LRRFIP1: variants seen among roughly 807,000 people sequenced by gnomAD.
LRRFIP1 encodes LRR binding FLII interacting protein 1.
Under a neutral mutation model 104.4 loss-of-function variants are expected in LRRFIP1, and 62 were observed. That is an observed-to-expected ratio of 0.59 (90% CI 0.48 to 0.73). LRRFIP1 has a LOEUF of 0.73. Ranked by LOEUF, LRRFIP1 falls within the 30% of genes least tolerant of loss-of-function variation. The probability of loss-of-function intolerance (pLI) is 0.00; values close to 1 mark genes in which losing one functional copy is unlikely to be tolerated. For missense variants in LRRFIP1, 796 were observed against 824.5 expected (o/e 0.97, Z 0.42); for synonymous variants, 300 against 299.0 (o/e 1.00, Z -0.03).
intron 1 of LRRFIP1, among the ~76,000 whole-genome samples, chr2:237,658,856 G>C (rs888020885): frequency 6.6e-6 from 1 of 152,202 alleles, no homozygotes; most frequent in Admixed American, 6.5e-5. Flanking sequence ...TACAATCCAA[G>C]ATGAGATTTG....
chr2:237,745,724 G>A (rs540470752), intron 11 of LRRFIP1, among the ~76,000 whole-genome samples: 2 of 152,240 alleles, frequency 1.3e-5, no homozygotes, highest in South Asian at 2.1e-4. Flanking sequence ...GTAGGTAAAC[G>A]AATGCATTCC....
rs140126630 is a variant in LRRFIP1, at chr2:237,729,653, G to A, written c.444+1718G>A. On this transcript the variant is annotated intron_variant, in intron 8 of 23. Coordinates refer to ENST00000308482, the MANE Select transcript of LRRFIP1 (RefSeq NM_001137550.2). ...GCCTCGCGTCTTTAGATAAACTAGC[G>A]TTCCTGGGCTCCTAGTGTTGGCTCG... 141 of 188,456 alleles carry A rather than the reference G, an allele frequency of 7.5e-4. 5 individuals carry two copies. The East Asian group carries it at 0.018, about 25-fold the overall frequency. 11.7% of individuals were successfully genotyped at this position (188,456 alleles called of 1,614,324 possible).
At chr2:237,629,376 C>T (rs1260265931) in intron 1 of LRRFIP1, among the ~76,000 whole-genome samples, 1 of 152,002 alleles carries the variant, frequency 6.6e-6, no homozygotes, top group Non-Finnish European at 1.5e-5. Context: ...GAATCGCAAG[C>T]CTTGTCTTGA....
Position 237,774,010 on chromosome 2 carries a change from C to G in LRRFIP1, c.1708-348C>G, listed in dbSNP as rs45562446. ...GGAGAGATTAGACTGGAGCTGAGGT[C>G]GTGGCGGAACACGTCCCTTACCAGC... On this transcript the variant is annotated intron_variant, in intron 22 of 23. Coordinates refer to ENST00000308482, the MANE Select transcript of LRRFIP1 (RefSeq NM_001137550.2). The G allele has an allele frequency of 2.7e-3, 556 of 208,418 alleles. 2 individuals carry two copies. The highest frequency in any genetic ancestry group is 3.1e-3 in the Non-Finnish European group (319 of 102,374). 12.9% of individuals were successfully genotyped at this position (208,418 alleles called of 1,614,324 possible).
chr2:237,753,842 A>G (rs1238620864), intron 15 of LRRFIP1, among the ~76,000 whole-genome samples: 18 of 80,064 alleles, frequency 2.2e-4, no homozygotes, highest in South Asian at 1.1e-3. Flanking sequence ...GTGTGTGTGT[A>G]TGTATGTATG....
In LRRFIP1 at chr2:237,638,658, G is replaced by A. The variant is rs117586589; in HGVS notation, c.96+10918G>A. ...TGTAATTACTGAGCACTTGAAATGC[G>A]GTTAGTACAGTTGAGGATCTGCATG... is the stretch of plus-strand genomic sequence containing the variant. On this transcript the variant is annotated intron_variant, in intron 1 of 23. Coordinates refer to ENST00000308482, the MANE Select transcript of LRRFIP1 (RefSeq NM_001137550.2). Among the ~76,000 whole-genome samples the A allele has an allele frequency of 3.3e-4, 50 of 152,342 alleles. 1 individual carries two copies. The East Asian group carries it at 8.7e-3, about 26-fold the overall frequency.
At chr2:237,648,786 C>A (rs949941979) in intron 1 of LRRFIP1, among the ~76,000 whole-genome samples, 3 of 151,490 alleles carry the variant, frequency 2.0e-5, no homozygotes, top group Admixed American at 6.6e-5. Flanking sequence ...AAGGATCCCC[C>A]TCAAAGCAGG....
intron 11 of LRRFIP1, among the ~76,000 whole-genome samples, chr2:237,747,771 C>A (rs1379148319): frequency 3.3e-5 from 5 of 151,954 alleles, no homozygotes; most frequent in Admixed American, 2.6e-4. Flanking sequence ...CAGCTTTTCC[C>A]AGAGAGTTTT....
intron 1 of LRRFIP1, among the ~76,000 whole-genome samples, chr2:237,685,685 C>T (rs1286852257): frequency 6.6e-6 from 1 of 152,224 alleles, no homozygotes; most frequent in African/African-American, 2.4e-5. Flanking sequence ...TCCCCACACC[C>T]AGCCTTTGGT....
intron 1 of LRRFIP1, among the ~76,000 whole-genome samples, chr2:237,704,154 T>G (rs1035232318): frequency 6.8e-6 from 1 of 147,548 alleles, no homozygotes; most frequent in Non-Finnish European, 1.5e-5. Context: ...AGATGTTCTT[T>G]TTTTTTTTTT....
chr2:237,650,976 G>C (rs946573358), intron 1 of LRRFIP1, among the ~76,000 whole-genome samples: 2 of 152,164 alleles, frequency 1.3e-5, no homozygotes, highest in African/African-American at 4.8e-5. Flanking sequence ...ATGCGTATCG[G>C]GTCACTCTGG....
In LRRFIP1 at chr2:237,751,250, G is replaced by A. The variant is rs2058591738; in HGVS notation, c.846G>A (p.Met282Ile). 1.2e-6 allele frequency: 2 copies of A among 1,610,172 alleles called. No individual in the cohort carries two copies. Among genetic ancestry groups the A allele is most frequent in the South Asian group, 2.2e-5 (2 of 89,846 alleles). The change falls in exon 14 of 24, where the codon ATG becomes ATA. Residue 282 changes from methionine (M) to isoleucine (I), a missense_variant. By Grantham distance (10) the Met-to-Ile change is conservative. Coordinates refer to ENST00000308482, the MANE Select transcript of LRRFIP1 (RefSeq NM_001137550.2). ...TTCAGGATGTAGAAGGCAAATACAT[G>A]CAGGGATTGAAAGAGATGAAGGTAC... Reference protein sequence around the residue: ...DQIQDVEGKYMQGLKEMKDSL... With the variant: ...DQIQDVEGKYIQGLKEMKDSL...
At chr2:237,777,836 C>T (rs2061220327) in intron 23 of LRRFIP1, among the ~76,000 whole-genome samples, 1 of 152,200 alleles carries the variant, frequency 6.6e-6, no homozygotes, top group Admixed American at 6.5e-5. Context: ...TAGAGATTCT[C>T]ATTGTCTCCA....
At position 237,691,558 on chromosome 2, in the gene LRRFIP1, T is replaced by C. The variant is rs2092753738; in HGVS notation, c.97-16986T>C. Among the ~76,000 whole-genome samples the C allele has an allele frequency of 6.6e-6, 1 of 152,096 alleles. No individual in the cohort carries two copies. On this transcript the variant is annotated intron_variant, in intron 1 of 23. Coordinates refer to ENST00000308482, the MANE Select transcript of LRRFIP1 (RefSeq NM_001137550.2). This position sits in a 1 kb window ranked among gnomAD's most constrained non-coding sequence, Gnocchi z 5.4. ...GGCCCTTCTCGGGATGCCGCGTTAG[T>C]GGGGTGCCCGGCCGGCAGGTGCAGC... is the stretch of plus-strand genomic sequence containing the variant.
intron 1 of LRRFIP1, among the ~76,000 whole-genome samples, chr2:237,644,659 C>T (rs1399125072): frequency 1.3e-5 from 2 of 152,220 alleles, no homozygotes; most frequent in Non-Finnish European, 2.9e-5. Context: ...TTTGTTTTAA[C>T]TGACAACAGG....
chr2:237,664,401 C>A (rs1207483100), intron 1 of LRRFIP1, among the ~76,000 whole-genome samples: 1 of 152,230 alleles, frequency 6.6e-6, no homozygotes, highest in Non-Finnish European at 1.5e-5. Context: ...TGAGGTCCAT[C>A]AGCAAATGAC....
intron 6 of LRRFIP1, 109 bp from the exon 7 acceptor site, chr2:237,723,438 TG>T: frequency 1.8e-6 from 2 of 1,090,880 alleles, no homozygotes; most frequent in Non-Finnish European, 2.8e-6. Context: ...AATGCATTTT[TG>T]TTAAGATTTT....
intron 2 of LRRFIP1, 139 bp from the exon 3 acceptor site, chr2:237,714,120 C>A: frequency 1.8e-6 from 1 of 567,274 alleles, no homozygotes; most frequent in Non-Finnish European, 3.2e-6. Flanking sequence ...TGGGACCTCA[C>A]CTGTTTTCTT....
chr2:237,714,300 C>T, intron 3 of LRRFIP1, 24 bp downstream of exon 3: 3 of 1,589,168 alleles, frequency 1.9e-6, no homozygotes, highest in Non-Finnish European at 2.6e-6. Context: ...TCTTTATTTT[C>T]TAACTTGCAT....
Sources: gnomAD v4.1 joint callset for allele counts (sites outside exome capture counted in the v4.1 genomes callset) on GRCh38, gnomAD v4.1.1 for gene constraint, Gnocchi (gnomAD v3.1) non-coding constraint, MANE v1.5 for transcripts, NCBI Gene and HGNC (gene_info 2026-07-23, HGNC 2026-07-21) for gene names.